Variants in LRRC4C observed in about 807,000 individuals in gnomAD.
The protein encoded by LRRC4C is leucine rich repeat containing 4C.
LRRC4C carries 5 observed loss-of-function variants against 33.6 expected under a neutral mutation model. The observed-to-expected ratio is 0.15, with a 90% CI of 0.08 to 0.31. LRRC4C has a LOEUF of 0.31. Among genes scored for constraint, LRRC4C ranks in the 10% least tolerant of loss-of-function variants. LRRC4C has a pLI of 1.00. For synonymous variants in LRRC4C, 329 were observed against 302.0 expected (o/e 1.09, Z -0.93); for missense variants, 560 against 796.7 (o/e 0.70, Z 3.58).
At chr11:41,284,843 C>T (rs996958887) in intron 1 of LRRC4C, among the ~76,000 whole-genome samples, 2 of 152,308 alleles carry the variant, frequency 1.3e-5, no homozygotes, top group East Asian at 3.9e-4. Flanking sequence ...AAGCAACTCA[C>T]ATATTTCATT....
chr11:41,326,802 G>A (rs915685774), intron 1 of LRRC4C, among the ~76,000 whole-genome samples: 1 of 152,120 alleles, frequency 6.6e-6, no homozygotes, highest in Non-Finnish European at 1.5e-5. Flanking sequence ...TATTGTATGT[G>A]TTAAGAAAAA....
intron 1 of LRRC4C, among the ~76,000 whole-genome samples, chr11:41,011,637 G>T (rs1036925595): frequency 2.0e-5 from 3 of 151,428 alleles, no homozygotes; most frequent in Non-Finnish European, 4.4e-5. Context: ...AGTGTCTCAG[G>T]GCAACTGGCC....
chr11:40,484,141 G>A (rs370630462), intron 3 of LRRC4C, among the ~76,000 whole-genome samples: 5 of 152,070 alleles, frequency 3.3e-5, no homozygotes, highest in African/African-American at 1.2e-4. Context: ...CTAATCTAGT[G>A]TTCGCAAATG....
Position 40,296,375 on chromosome 11 carries a change from A to T in LRRC4C, c.-176+23253T>A, listed in dbSNP as rs75303278. On this transcript the variant is annotated intron_variant, in intron 4 of 6. Coordinates refer to ENST00000528697, the MANE Select transcript of LRRC4C (RefSeq NM_001258419.2). ...TTTTCTCATATATATCACCTTATTT[A>T]GTACTCAAAACAACACCCTGAGAGA... is the stretch of plus-strand genomic sequence containing the variant. Among the ~76,000 whole-genome samples the T allele has an allele frequency of 7.2e-3, 1,101 of 152,308 alleles. 10 individuals are homozygous for T. Among genetic ancestry groups the T allele is most frequent in the African/African-American group, 0.025 (1,031 of 41,560 alleles).
At chr11:40,981,803 T>C (rs1275228460) in intron 1 of LRRC4C, among the ~76,000 whole-genome samples, 1 of 152,190 alleles carries the variant, frequency 6.6e-6, no homozygotes, top group African/African-American at 2.4e-5. Flanking sequence ...AGTTACAATA[T>C]TCCATTAGCC....
intron 3 of LRRC4C, among the ~76,000 whole-genome samples, chr11:40,519,995 G>C (rs934028728): frequency 6.6e-6 from 1 of 152,142 alleles, no homozygotes; most frequent in African/African-American, 2.4e-5. Context: ...GAGAACTCAA[G>C]ATCTGGCTTC....
intron 3 of LRRC4C, among the ~76,000 whole-genome samples, chr11:40,523,348 C>G (rs1187453029): frequency 6.6e-6 from 1 of 151,672 alleles, no homozygotes; most frequent in Non-Finnish European, 1.5e-5. Flanking sequence ...AATGTCTACT[C>G]AAGTCCTTTC....
chr11:40,975,351 A>G (rs576743810), intron 1 of LRRC4C, among the ~76,000 whole-genome samples: 16 of 152,314 alleles, frequency 1.1e-4, no homozygotes, highest in South Asian at 2.1e-4. Flanking sequence ...CTAACTACTT[A>G]TGGATAGATA....
chr11:40,755,025 A>G (rs886637904), intron 2 of LRRC4C, among the ~76,000 whole-genome samples: 1 of 152,132 alleles, frequency 6.6e-6, no homozygotes, highest in Non-Finnish European at 1.5e-5. Context: ...CCAGTCTGAC[A>G]TACATTCATA....
At chr11:41,328,214 C>G (rs754422226) in intron 1 of LRRC4C, among the ~76,000 whole-genome samples, 1 of 152,170 alleles carries the variant, frequency 6.6e-6, no homozygotes. Context: ...ATTACAATCT[C>G]TATAGGCATG....
In LRRC4C at chr11:40,440,026, C is replaced by T. The variant is rs138392401; in HGVS notation, c.-269-120305G>A. ...CTGGCTGCTTTCAGCATTGCAATGA[C>T]ACAGTTGAACAGTTGCAATAGAGAT... On this transcript the variant is annotated intron_variant, in intron 3 of 6. Coordinates refer to ENST00000528697, the MANE Select transcript of LRRC4C (RefSeq NM_001258419.2). Among the ~76,000 whole-genome samples, 48 of 152,302 alleles carry T rather than the reference C, an allele frequency of 3.2e-4. 1 individual carries two copies. In the East Asian group the frequency reaches 6.2e-3, roughly 20 times the overall value.
chr11:40,465,346 C>A (rs542450768), intron 3 of LRRC4C, among the ~76,000 whole-genome samples: 63 of 152,060 alleles, frequency 4.1e-4, no homozygotes, highest in African/African-American at 1.4e-3. Flanking sequence ...AGACCTGAAA[C>A]TGTTAAAATT....
At chr11:40,369,325 C>A (rs1028701228) in intron 3 of LRRC4C, among the ~76,000 whole-genome samples, 1 of 152,030 alleles carries the variant, frequency 6.6e-6, no homozygotes, top group South Asian at 2.1e-4. Context: ...TTTTATTCTG[C>A]AGTTTTTGGT....
intron 2 of LRRC4C, among the ~76,000 whole-genome samples, chr11:40,688,620 G>C (rs1945075345): frequency 6.6e-6 from 1 of 152,082 alleles, no homozygotes; most frequent in East Asian, 1.9e-4. Flanking sequence ...CCATAGGATG[G>C]ATGCTCTGTG....
intron 1 of LRRC4C, among the ~76,000 whole-genome samples, chr11:40,938,026 T>C (rs1957982089): frequency 6.6e-6 from 1 of 152,142 alleles, no homozygotes; most frequent in Non-Finnish European, 1.5e-5. Context: ...AGTAATTCTC[T>C]CTGTGATTAT....
chr11:40,791,649 A>T (rs747050514), intron 2 of LRRC4C, among the ~76,000 whole-genome samples: 1 of 152,200 alleles, frequency 6.6e-6, no homozygotes, highest in African/African-American at 2.4e-5. Context: ...TATATGAAAC[A>T]TGCCTGAATT....
chr11:41,451,377 G>C (rs1036864412), intron 1 of LRRC4C, among the ~76,000 whole-genome samples: 2 of 150,980 alleles, frequency 1.3e-5, no homozygotes, highest in Admixed American at 1.3e-4. Flanking sequence ...TATAGATTTT[G>C]TGTGTGTGTG....
At chr11:40,803,273 T>A (rs1951111242) in intron 2 of LRRC4C, among the ~76,000 whole-genome samples, 1 of 152,160 alleles carries the variant, frequency 6.6e-6, no homozygotes, top group Non-Finnish European at 1.5e-5. Context: ...AAAGATTAAG[T>A]AATGTGTCCC....
intron 1 of LRRC4C, among the ~76,000 whole-genome samples, chr11:41,391,192 C>G (rs1399769013): frequency 1.3e-5 from 2 of 151,788 alleles, no homozygotes; most frequent in African/African-American, 4.8e-5. Flanking sequence ...TTCTCTCTGC[C>G]CTGCCTTCTT....
Sources: allele counts gnomAD v4.1 joint callset (sites outside exome capture counted in the v4.1 genomes callset), GRCh38; gene constraint gnomAD v4.1.1; transcripts MANE v1.5; gene names NCBI Gene and HGNC (gene_info 2026-07-23, HGNC 2026-07-21).